The following EIF4E variants were observed in gnomAD, a reference collection of about 807,000 sequenced individuals.
EIF4E encodes eukaryotic translation initiation factor 4E.
For synonymous variants in EIF4E, 71 were observed against 88.5 expected, an observed-to-expected ratio of 0.80 and a Z score of 1.11; for missense variants, 113 against 265.6, an observed-to-expected ratio of 0.43 and a Z score of 3.99.
chr4:98,887,871 A>G lies in EIF4E; in HGVS notation c.285+18T>C, dbSNP rs747159659. 5.0e-6 allele frequency: 8 copies of G among 1,607,626 alleles called. No individual in the cohort carries two copies. In the South Asian group the frequency reaches 8.8e-5, roughly 18 times the overall value. ...CCCAGTCCTATAATAAATATATAAA[A>G]TCACCAATTAAGCATACCTTAAAAA... is the stretch of plus-strand genomic sequence containing the variant. On this transcript the variant is annotated intron_variant, in intron 4 of 6. Coordinates refer to ENST00000450253, the MANE Select transcript of EIF4E (RefSeq NM_001968.5). This position sits in a 1 kb window ranked among gnomAD's most constrained non-coding sequence, Gnocchi z 4.0.
chr4:98,897,561 G>A (rs953592369), intron 2 of EIF4E, among the ~76,000 whole-genome samples: 7 of 151,932 alleles, frequency 4.6e-5, no homozygotes, highest in African/African-American at 4.8e-5. Flanking sequence ...GTGAAACTCC[G>A]TCTTGAGAAC....
Position 98,902,261 on chromosome 4 carries a change from G to A in EIF4E, c.19-279C>T, listed in dbSNP as rs1724686003. 3.9e-5 allele frequency among the ~76,000 whole-genome samples: 6 copies of A among 152,130 alleles called. No homozygotes were observed. In the South Asian group the frequency reaches 1.2e-3, roughly 31 times the overall value. On this transcript the variant is annotated intron_variant, in intron 1 of 6. Coordinates refer to ENST00000450253, the MANE Select transcript of EIF4E (RefSeq NM_001968.5). ...TAATTTTTGTATTTTTAGTAGAGAC[G>A]GGGTTTCACCCCGTTGGTCAGGCTG...
intron 6 of EIF4E, among the ~76,000 whole-genome samples, chr4:98,881,620 T>C (rs753530206): frequency 4.5e-4 from 68 of 152,158 alleles, no homozygotes; most frequent in Non-Finnish European, 5.1e-4. Flanking sequence ...ATTTCACGTC[T>C]GAACCCTAGC....
At chr4:98,914,886 T>C (rs1725313094) in intron 1 of EIF4E, among the ~76,000 whole-genome samples, 1 of 152,166 alleles carries the variant, frequency 6.6e-6, no homozygotes, top group Non-Finnish European at 1.5e-5. Flanking sequence ...AAGGAGTAAG[T>C]TACGGGAACT....
chr4:98,903,142 A>G (rs1724719722), intron 1 of EIF4E, among the ~76,000 whole-genome samples: 1 of 152,212 alleles, frequency 6.6e-6, no homozygotes, highest in African/African-American at 2.4e-5. Flanking sequence ...TCTTCATACT[A>G]TCATAAATTG....
At chr4:98,883,245 C>G (rs1161641750) in intron 6 of EIF4E, among the ~76,000 whole-genome samples, 2 of 152,018 alleles carry the variant, frequency 1.3e-5, no homozygotes, top group Non-Finnish European at 2.9e-5. Flanking sequence ...GCACCCCAGC[C>G]TGGGCAACAG....
At position 98,915,319 on chromosome 4, in the gene EIF4E, A is replaced by G. The variant is rs912823595; in HGVS notation, c.19-13337T>C. Among the ~76,000 whole-genome samples the G allele has an allele frequency of 8.5e-5, 13 of 152,288 alleles. No individual in the cohort carries two copies. In the East Asian group the frequency reaches 1.4e-3, roughly 16 times the overall value. Reference sequence around the variant, plus strand: ...GAAGAAGGATATGGTTAAAAAAAAAAAGAGAAGTTCACAAACAAGTGAACC... The same window carrying G: ...GAAGAAGGATATGGTTAAAAAAAAAGAGAGAAGTTCACAAACAAGTGAACC... On this transcript the variant is annotated intron_variant, in intron 1 of 6. Transcript: ENST00000450253.
At chr4:98,904,227 A>C (rs972121505) in intron 1 of EIF4E, among the ~76,000 whole-genome samples, 1 of 152,180 alleles carries the variant, frequency 6.6e-6, no homozygotes, top group Non-Finnish European at 1.5e-5. Flanking sequence ...TGAGAGGCCA[A>C]GGCGAGAGGA....
chr4:98,896,701 G>C (rs944963979), intron 2 of EIF4E, among the ~76,000 whole-genome samples: 1 of 140,888 alleles, frequency 7.1e-6, no homozygotes, highest in Non-Finnish European at 1.5e-5. Flanking sequence ...AAAAAAGCCA[G>C]GCATGTTGGT....
chr4:98,892,574 C>G (rs984735641), intron 2 of EIF4E, among the ~76,000 whole-genome samples: 6 of 143,558 alleles, frequency 4.2e-5, no homozygotes, highest in African/African-American at 1.5e-4. Flanking sequence ...TACAGCTACT[C>G]GGGAAGCTGA....
intron 2 of EIF4E, among the ~76,000 whole-genome samples, chr4:98,901,105 A>C (rs1282242928): frequency 6.6e-6 from 1 of 152,190 alleles, no homozygotes; most frequent in African/African-American, 2.4e-5. Context: ...GGATATTTTG[A>C]CATCTTGCTT....
chr4:98,901,319 T>G (rs1360036214), intron 2 of EIF4E, among the ~76,000 whole-genome samples: 1 of 151,896 alleles, frequency 6.6e-6, no homozygotes, highest in Non-Finnish European at 1.5e-5. Context: ...CACCTCAGCC[T>G]CCCGAGCAGC....
At position 98,881,021 on chromosome 4, in the gene EIF4E, T is replaced by G; in HGVS notation, c.*7A>C. Reference sequence around the variant, plus strand: ...GTCTCCTATGAGAATACTCAGAAGGTGTCTTCTTAAACAACAAACCTATTT... The same window carrying G: ...GTCTCCTATGAGAATACTCAGAAGGGGTCTTCTTAAACAACAAACCTATTT... On this transcript the variant is annotated 3_prime_UTR_variant, in exon 7 of 7. Coordinates refer to ENST00000450253, the MANE Select transcript of EIF4E (RefSeq NM_001968.5). The G allele has an allele frequency of 6.2e-7, 1 of 1,607,232 alleles. No homozygotes were observed. The highest frequency in any genetic ancestry group is 8.5e-7 in the Non-Finnish European group (1 of 1,177,324).
At chr4:98,899,050 C>A (rs1724536819) in intron 2 of EIF4E, among the ~76,000 whole-genome samples, 2 of 149,730 alleles carry the variant, frequency 1.3e-5, no homozygotes, top group South Asian at 2.1e-4. Flanking sequence ...AAATTAAAGA[C>A]CTCTAAAAAA....
chr4:98,928,691 C>A (rs1338078101), intron 1 of EIF4E, among the ~76,000 whole-genome samples: 1 of 152,140 alleles, frequency 6.6e-6, no homozygotes, highest in Admixed American at 6.5e-5. Context: ...CCATCTCACT[C>A]CAGGCCGGCT....
intron 3 of EIF4E, among the ~76,000 whole-genome samples, chr4:98,889,091 G>A (rs1369149778): frequency 2.0e-5 from 3 of 151,762 alleles, no homozygotes; most frequent in Non-Finnish European, 2.9e-5. Context: ...CCCAGGAGGC[G>A]GAGGTTGCAG....
At chr4:98,896,059 G>A (rs1055375970) in intron 2 of EIF4E, among the ~76,000 whole-genome samples, 1 of 152,078 alleles carries the variant, frequency 6.6e-6, no homozygotes, top group Admixed American at 6.6e-5. Context: ...GGCTAGGCGT[G>A]GTGGCACGCG....
intron 1 of EIF4E, among the ~76,000 whole-genome samples, chr4:98,922,532 G>C (rs1725690895): frequency 6.8e-6 from 1 of 147,832 alleles, no homozygotes; most frequent in African/African-American, 2.5e-5. Flanking sequence ...CTCTAGCTGG[G>C]ACAACAGTGA....
chr4:98,927,137 A>C (rs1469016096), intron 1 of EIF4E, among the ~76,000 whole-genome samples: 1 of 152,218 alleles, frequency 6.6e-6, no homozygotes, highest in Non-Finnish European at 1.5e-5. Context: ...CATTAGTGTT[A>C]TGTAATATTA....
Sources: allele counts gnomAD v4.1 joint callset (sites outside exome capture counted in the v4.1 genomes callset), GRCh38; gene constraint gnomAD v4.1.1; non-coding constraint Gnocchi (gnomAD v3.1); transcripts MANE v1.5; gene names NCBI Gene and HGNC (gene_info 2026-07-23, HGNC 2026-07-21).